The following ST8SIA1 variants were observed in gnomAD, a reference collection of about 807,000 sequenced individuals.
ST8SIA1 encodes the protein alpha-N-acetylneuraminide alpha-2,8-sialyltransferase.
In ST8SIA1, 16 loss-of-function variants were observed where a neutral mutation model predicts 35.9. That is an observed-to-expected ratio of 0.45 (90% CI 0.30 to 0.68). ST8SIA1 has a LOEUF of 0.68. ST8SIA1 is among the 30% of genes least tolerant of loss of function. ST8SIA1 has a pLI of 0.09. For synonymous variants in ST8SIA1, 170 were observed against 169.6 expected (o/e 1.00, Z -0.02); for missense variants, 383 against 453.6 (o/e 0.84, Z 1.41).
chr12:22,276,718 G>C (rs984452206), intron 2 of ST8SIA1, among the ~76,000 whole-genome samples: 8 of 152,140 alleles, frequency 5.3e-5, no homozygotes, highest in African/African-American at 1.9e-4. Flanking sequence ...GATAGAAGGT[G>C]TGAGCCTGGG....
intron 1 of ST8SIA1, among the ~76,000 whole-genome samples, chr12:22,323,660 G>T (rs1386521121): frequency 6.6e-6 from 1 of 152,174 alleles, no homozygotes; most frequent in Admixed American, 6.5e-5. Context: ...ATACACCATG[G>T]AATACTATGC....
rs548371965 is a variant in ST8SIA1, at chr12:22,266,912, G to T, written c.382-11523C>A. On this transcript the variant is annotated intron_variant, in intron 2 of 4. Transcript: ENST00000396037. ...ACAAAAGAGAAGATGAGGTAAAGTG[G>T]GCACCCTTCCCCAATTTCTTGGTCT... is the stretch of plus-strand genomic sequence containing the variant. Among the ~76,000 whole-genome samples, 3 of 151,436 alleles carry T rather than the reference G, an allele frequency of 2.0e-5. No individual in the cohort carries two copies. The South Asian group carries it at 6.2e-4, about 32-fold the overall frequency.
chr12:22,241,052 C>G (rs1015447392), intron 4 of ST8SIA1, among the ~76,000 whole-genome samples: 4 of 147,864 alleles, frequency 2.7e-5, no homozygotes, highest in Non-Finnish European at 5.9e-5. Context: ...CTAACCTTAA[C>G]CCTAACCCTA....
chr12:22,234,931 A>G (rs1036466092), intron 4 of ST8SIA1, among the ~76,000 whole-genome samples: 1 of 152,234 alleles, frequency 6.6e-6, no homozygotes, highest in Non-Finnish European at 1.5e-5. Context: ...ATTTGCAATA[A>G]TATTTATCAA....
chr12:22,268,347 A>G (rs61921822), intron 2 of ST8SIA1, among the ~76,000 whole-genome samples: 8,201 of 152,292 alleles, frequency 0.054, 330 homozygotes, highest in East Asian at 0.15. Flanking sequence ...TGCCTACACA[A>G]TTCAAGCGGG....
intron 2 of ST8SIA1, among the ~76,000 whole-genome samples, chr12:22,259,786 A>G (rs1326786506): frequency 6.6e-6 from 1 of 152,146 alleles, no homozygotes; most frequent in Non-Finnish European, 1.5e-5. Context: ...TGGATTTTTT[A>G]AAGTAATTGA....
At chr12:22,292,349 T>A (rs1199848126) in intron 1 of ST8SIA1, among the ~76,000 whole-genome samples, 2 of 152,200 alleles carry the variant, frequency 1.3e-5, no homozygotes, top group Non-Finnish European at 2.9e-5. Context: ...ATATTTAATT[T>A]ATAGTCTTGT....
At chr12:22,236,356 G>T (rs1433545927) in intron 4 of ST8SIA1, among the ~76,000 whole-genome samples, 1 of 152,204 alleles carries the variant, frequency 6.6e-6, no homozygotes, top group East Asian at 1.9e-4. Context: ...CACATTCCAT[G>T]CAGAGAGTGG....
chr12:22,333,935 C>G (rs1866805837), intron 1 of ST8SIA1, 62 bp downstream of exon 1: 11 of 1,457,784 alleles, frequency 7.5e-6, no homozygotes, highest in African/African-American at 1.4e-5. Context: ...GCCGGTGACC[C>G]TGTCCTCTGC....
intron 2 of ST8SIA1, among the ~76,000 whole-genome samples, chr12:22,284,836 T>C (rs1488637826): frequency 6.6e-6 from 1 of 152,208 alleles, no homozygotes; most frequent in Non-Finnish European, 1.5e-5. Context: ...ATAGATAATA[T>C]AGGAGGCTAG....
At chr12:22,330,301 C>T (rs1224260550) in intron 1 of ST8SIA1, among the ~76,000 whole-genome samples, 2 of 152,156 alleles carry the variant, frequency 1.3e-5, no homozygotes, top group African/African-American at 4.8e-5. Context: ...ATAACAATCA[C>T]GTATTAAACA....
At chr12:22,231,249 A>G (rs1865417088) in intron 4 of ST8SIA1, among the ~76,000 whole-genome samples, 1 of 151,396 alleles carries the variant, frequency 6.6e-6, no homozygotes, top group Non-Finnish European at 1.5e-5. Flanking sequence ...GTGATTTTCC[A>G]AAGACCCATG....
chr12:22,237,567 G>A (rs1409236496), intron 4 of ST8SIA1, among the ~76,000 whole-genome samples: 20 of 150,974 alleles, frequency 1.3e-4, no homozygotes, highest in Admixed American at 1.3e-3. Context: ...ATTAGAACAT[G>A]AGCATTTCAC....
intron 1 of ST8SIA1, among the ~76,000 whole-genome samples, chr12:22,316,115 A>G (rs1176525955): frequency 2.7e-5 from 4 of 149,674 alleles, no homozygotes; most frequent in African/African-American, 1.0e-4. Flanking sequence ...TAATAATAAC[A>G]TATAAATGAG....
At chr12:22,205,645 C>T (rs1033883645) in intron 4 of ST8SIA1, among the ~76,000 whole-genome samples, 1 of 152,012 alleles carries the variant, frequency 6.6e-6, no homozygotes, top group Non-Finnish European at 1.5e-5. Flanking sequence ...CTAGCTGGCA[C>T]AGTGACTCAA....
Position 22,319,336 on chromosome 12 carries a change from T to C in ST8SIA1, c.236+14661A>G, listed in dbSNP as rs192198255. 3.9e-5 allele frequency among the ~76,000 whole-genome samples: 6 copies of C among 152,318 alleles called. No individual in the cohort carries two copies. The East Asian group carries it at 1.2e-3, about 29-fold the overall frequency. ...CATCTAGCACTGTGCTTGCATACAG[T>C]TGGTACTCAATAAATGTTCATTAAA... On this transcript the variant is annotated intron_variant, in intron 1 of 4. Transcript: ENST00000396037.
At chr12:22,276,497 C>T (rs1338715204) in intron 2 of ST8SIA1, among the ~76,000 whole-genome samples, 1 of 152,200 alleles carries the variant, frequency 6.6e-6, no homozygotes, top group Non-Finnish European at 1.5e-5. Flanking sequence ...TTAGCACAAG[C>T]TCCTGGAGGG....
At chr12:22,318,475 G>C (rs1421913951) in intron 1 of ST8SIA1, among the ~76,000 whole-genome samples, 2 of 152,174 alleles carry the variant, frequency 1.3e-5, no homozygotes, top group Non-Finnish European at 2.9e-5. Context: ...ATAGTTAAGA[G>C]AGCAAAGAAT....
At chr12:22,202,999 T>C (rs1301421095) in intron 4 of ST8SIA1, among the ~76,000 whole-genome samples, 2 of 152,192 alleles carry the variant, frequency 1.3e-5, no homozygotes, top group Non-Finnish European at 2.9e-5. Flanking sequence ...GTCTTATATC[T>C]GTTTTGTTTG....
Sources: gnomAD v4.1 joint callset for allele counts (sites outside exome capture counted in the v4.1 genomes callset) on GRCh38, gnomAD v4.1.1 for gene constraint, MANE v1.5 for transcripts, NCBI Gene and HGNC (gene_info 2026-07-23, HGNC 2026-07-21) for gene names.